The following RALA variants were observed in gnomAD, a reference collection of about 807,000 sequenced individuals.
RALA encodes the protein ras-related protein Ral-A.
In RALA, 5 loss-of-function variants were observed where a neutral mutation model predicts 24.0. The ratio of observed to expected loss-of-function variants is 0.21; its 90% CI spans 0.11 to 0.44. RALA has a LOEUF of 0.44. RALA is among the 20% of genes least tolerant of loss of function. RALA has a pLI of 0.99. For synonymous variants in RALA, 77 were observed against 83.8 expected (o/e 0.92, Z 0.44); for missense variants, 95 against 241.2 (o/e 0.39, Z 4.01).
intron 1 of RALA, among the ~76,000 whole-genome samples, chr7:39,666,067 G>A (rs1792282728): frequency 6.6e-6 from 1 of 152,022 alleles, no homozygotes; most frequent in Non-Finnish European, 1.5e-5. Flanking sequence ...CAAGGTTTTT[G>A]TCCTATCCAG....
At chr7:39,627,384 A>G (rs1791511289) in intron 1 of RALA, among the ~76,000 whole-genome samples, 1 of 152,174 alleles carries the variant, frequency 6.6e-6, no homozygotes, top group Non-Finnish European at 1.5e-5. Flanking sequence ...ATAAAATTAT[A>G]CTATTCTTAA....
At chr7:39,653,025 T>TATA (rs997673999) in intron 1 of RALA, among the ~76,000 whole-genome samples, 3 of 151,524 alleles carry the variant, frequency 2.0e-5, no homozygotes, top group Non-Finnish European at 4.4e-5. Flanking sequence ...CTCAAACTAT[T>TATA]ATTATTATTA....
chr7:39,673,897 A>C (rs1395753663), intron 1 of RALA, among the ~76,000 whole-genome samples: 2 of 151,988 alleles, frequency 1.3e-5, no homozygotes, highest in Non-Finnish European at 2.9e-5. Flanking sequence ...TAATCCCAGC[A>C]CTTTGGAAGG....
chr7:39,656,107 G>A (rs552062774), intron 1 of RALA, among the ~76,000 whole-genome samples: 20 of 152,196 alleles, frequency 1.3e-4, no homozygotes, highest in Middle Eastern at 3.4e-3. Context: ...TAGTGGCAGA[G>A]TCAAAACCCC....
chr7:39,679,856 G>A (rs1473556116), intron 1 of RALA, among the ~76,000 whole-genome samples: 2 of 151,868 alleles, frequency 1.3e-5, no homozygotes, highest in Non-Finnish European at 2.9e-5. Flanking sequence ...GACTACAGCC[G>A]TGCGCCACCA....
At chr7:39,664,840 T>G (rs1792256411) in intron 1 of RALA, among the ~76,000 whole-genome samples, 1 of 150,950 alleles carries the variant, frequency 6.6e-6, no homozygotes, top group Non-Finnish European at 1.5e-5. Context: ...GGAACAAAAG[T>G]CTGCTTGATA....
intron 1 of RALA, among the ~76,000 whole-genome samples, chr7:39,681,752 C>A (rs1792607345): frequency 6.6e-6 from 1 of 152,158 alleles, no homozygotes; most frequent in Admixed American, 6.5e-5. Context: ...CAAATATCAT[C>A]TGTAAACTGA....
chr7:39,663,498 C>G (rs1792230412), intron 1 of RALA, among the ~76,000 whole-genome samples: 1 of 151,934 alleles, frequency 6.6e-6, no homozygotes, highest in African/African-American at 2.4e-5. Flanking sequence ...GCTGGAAGTG[C>G]TCCCAAGAAG....
intron 3 of RALA, among the ~76,000 whole-genome samples, chr7:39,691,995 A>G (rs893778754): frequency 2.0e-5 from 3 of 152,196 alleles, no homozygotes; most frequent in East Asian, 1.9e-4. Flanking sequence ...GGCTATTACT[A>G]TTATAGAAAA....
In RALA at chr7:39,676,000, C is replaced by T. The variant is rs543441572; in HGVS notation, c.-37-10631C>T. Among the ~76,000 whole-genome samples the T allele has an allele frequency of 1.9e-4, 29 of 152,036 alleles. No homozygotes were observed. In the East Asian group the frequency reaches 5.6e-3, roughly 29 times the overall value. ...ATAAGTCTTTTTATTTTTTTTGAGG[C>T]AGTCTCACTCTGTCACCCAAGTTGG... On this transcript the variant is annotated intron_variant, in intron 1 of 4. Coordinates refer to ENST00000005257, the MANE Select transcript of RALA (RefSeq NM_005402.4).
At chr7:39,672,112 A>G (rs1303714604) in intron 1 of RALA, among the ~76,000 whole-genome samples, 1 of 152,218 alleles carries the variant, frequency 6.6e-6, no homozygotes, top group African/African-American at 2.4e-5. Context: ...CTCATCAAAA[A>G]ATATGTCAAG....
chr7:39,686,808 A>C, intron 2 of RALA, 27 bp downstream of exon 2: 1 of 1,526,546 alleles, frequency 6.6e-7, no homozygotes, highest in East Asian at 2.3e-5. Context: ...TAATGGATCA[A>C]AGTTTAGGCT....
intron 4 of RALA, among the ~76,000 whole-genome samples, chr7:39,702,297 G>A (rs1331789891): frequency 6.6e-6 from 1 of 152,064 alleles, no homozygotes; most frequent in African/African-American, 2.4e-5. Flanking sequence ...GTTAAAAGCA[G>A]TCATACATAT....
chr7:39,649,206 G>A (rs1356895121), intron 1 of RALA, among the ~76,000 whole-genome samples: 1 of 152,194 alleles, frequency 6.6e-6, no homozygotes. Flanking sequence ...TTGGAATTTG[G>A]ACAGTTAAGT....
chr7:39,691,270 C>T (rs141173013), intron 3 of RALA, among the ~76,000 whole-genome samples: 2 of 152,086 alleles, frequency 1.3e-5, no homozygotes, highest in Non-Finnish European at 2.9e-5. Context: ...AGAGTTCTTG[C>T]GTGGTCTTGC....
Position 39,666,631 on chromosome 7 carries a change from G to A in RALA, c.-37-20000G>A, listed in dbSNP as rs564155109. On this transcript the variant is annotated intron_variant, in intron 1 of 4. Transcript: ENST00000005257. ...GTTAACCTGACTGGATGGATGTGGG[G>A]TGCCACATATACAAGTCAGAATTTA... 2.1e-3 allele frequency among the ~76,000 whole-genome samples: 313 copies of A among 152,302 alleles called. 1 individual carries two copies. The highest frequency in any genetic ancestry group is 3.8e-3 in the Non-Finnish European group (259 of 68,026).
intron 1 of RALA, among the ~76,000 whole-genome samples, chr7:39,681,174 A>G (rs1420237713): frequency 6.6e-6 from 1 of 152,160 alleles, no homozygotes; most frequent in Non-Finnish European, 1.5e-5. Flanking sequence ...ACATTTAAAA[A>G]GCAGCCAAAC....
At chr7:39,651,602 A>G (rs1293392955) in intron 1 of RALA, among the ~76,000 whole-genome samples, 2 of 152,146 alleles carry the variant, frequency 1.3e-5, no homozygotes, top group African/African-American at 4.8e-5. Flanking sequence ...CTGATTACAA[A>G]AGTAACATTT....
At chr7:39,627,305 G>A (rs993430650) in intron 1 of RALA, among the ~76,000 whole-genome samples, 6 of 152,060 alleles carry the variant, frequency 3.9e-5, no homozygotes, top group African/African-American at 9.7e-5. Flanking sequence ...TTAATTATAC[G>A]TGAAGGTGAT....
Sources: allele counts gnomAD v4.1 joint callset (sites outside exome capture counted in the v4.1 genomes callset), GRCh38; gene constraint gnomAD v4.1.1; transcripts MANE v1.5; gene names NCBI Gene and HGNC (gene_info 2026-07-23, HGNC 2026-07-21).